MTA3: variants seen among roughly 807,000 people sequenced by gnomAD.
MTA3 encodes metastasis associated 1 family member 3.
In MTA3, 34 loss-of-function variants were observed where a neutral mutation model predicts 83.5. The observed-to-expected ratio is 0.41, with a 90% CI of 0.31 to 0.54. The LOEUF is 0.54. Ranked by LOEUF, MTA3 falls within the 20% of genes least tolerant of loss-of-function variation. The probability of loss-of-function intolerance (pLI) is 0.33; values close to 1 mark genes in which losing one functional copy is unlikely to be tolerated. For synonymous variants in MTA3, 303 were observed against 252.7 expected, an observed-to-expected ratio of 1.20 and a Z score of -1.89; for missense variants, 761 against 726.4, an observed-to-expected ratio of 1.05 and a Z score of -0.55.
At chr2:42,524,864 A>C (rs1207524987) in intron 2 of MTA3, among the ~76,000 whole-genome samples, 1 of 74,608 alleles carries the variant, frequency 1.3e-5, no homozygotes, top group African/African-American at 5.5e-5. Context: ...ACCTGCAGTA[A>C]GGCCACCTTC....
At position 42,756,413 on chromosome 2, in the gene MTA3, C is replaced by T; in HGVS notation, c.*3014C>T. The T allele has an allele frequency of 1.0e-6, 1 of 969,376 alleles. No individual in the cohort carries two copies. 60.0% of individuals were successfully genotyped at this position (969,376 alleles called of 1,614,324 possible). A position where few individuals can be genotyped will look rare whatever the true frequency, so the allele number is the denominator to read the frequency against. On this transcript the variant is annotated 3_prime_UTR_variant, in exon 17 of 17. Coordinates refer to ENST00000405094, the MANE Select transcript of MTA3 (RefSeq NM_001330442.2). The stretch of plus-strand genomic sequence containing the variant: ...GCCCTGGGAGCCTGGGACAGGCGAC[C>T]CACCGGGTCAGTCCCCTGCCACTCA...
At chr2:42,602,489 T>A (rs1052284252) in intron 3 of MTA3, among the ~76,000 whole-genome samples, 5 of 152,204 alleles carry the variant, frequency 3.3e-5, no homozygotes, top group Non-Finnish European at 5.9e-5. Flanking sequence ...CCACACAGAT[T>A]CCCAAAGTGG....
intron 16 of MTA3, among the ~76,000 whole-genome samples, chr2:42,740,141 G>T (rs916118050): frequency 6.6e-6 from 1 of 152,230 alleles, no homozygotes; most frequent in Admixed American, 6.5e-5. Context: ...ACTTTGCCCA[G>T]ATCCATCAGA....
intron 8 of MTA3, among the ~76,000 whole-genome samples, chr2:42,677,816 C>T (rs1200420886): frequency 6.6e-6 from 1 of 152,264 alleles, no homozygotes; most frequent in South Asian, 2.1e-4. Flanking sequence ...TTCCCAGTCT[C>T]AGGTTTGTCT....
intron 14 of MTA3, among the ~76,000 whole-genome samples, chr2:42,711,483 A>G (rs1009005306): frequency 1.2e-4 from 18 of 152,132 alleles, no homozygotes; most frequent in Non-Finnish European, 2.2e-4. Flanking sequence ...TTTGTTTTGT[A>G]TTTAGCTTCA....
intron 5 of MTA3, 51 bp from the exon 6 acceptor site, chr2:42,644,076 T>C (rs1033494626): frequency 3.6e-6 from 4 of 1,109,482 alleles, no homozygotes; most frequent in Non-Finnish European, 5.2e-6. Context: ...TAATGCTTTA[T>C]AAGAAGTAGA....
intron 8 of MTA3, among the ~76,000 whole-genome samples, chr2:42,663,406 A>G (rs1689920075): frequency 6.6e-6 from 1 of 152,214 alleles, no homozygotes; most frequent in African/African-American, 2.4e-5. Context: ...TTGTCAGTGA[A>G]GGTGATATTT....
chr2:42,712,003 C>T (rs1480821533), intron 14 of MTA3, among the ~76,000 whole-genome samples: 1 of 152,016 alleles, frequency 6.6e-6, no homozygotes, highest in Non-Finnish European at 1.5e-5. Context: ...TAGTTCTTCC[C>T]TGTGAGCTTG....
chr2:42,670,699 T>A (rs1690713224), intron 8 of MTA3, among the ~76,000 whole-genome samples: 1 of 151,676 alleles, frequency 6.6e-6, no homozygotes, highest in Non-Finnish European at 1.5e-5. Context: ...TGGGGCCTAG[T>A]GCGAGAGCTC....
chr2:42,715,866 A>G (rs1030973334), intron 14 of MTA3, among the ~76,000 whole-genome samples: 1 of 152,232 alleles, frequency 6.6e-6, no homozygotes, highest in Non-Finnish European at 1.5e-5. Flanking sequence ...GCCTTTGTCA[A>G]GACATTGAGG....
intron 14 of MTA3, among the ~76,000 whole-genome samples, chr2:42,717,481 A>G (rs1289321954): frequency 2.0e-5 from 3 of 152,234 alleles, no homozygotes; most frequent in East Asian, 3.8e-4. Flanking sequence ...TGTCTTGCAC[A>G]TCTACTCTTC....
intron 15 of MTA3, among the ~76,000 whole-genome samples, chr2:42,719,668 C>T (rs1667268157): frequency 6.6e-6 from 1 of 152,200 alleles, no homozygotes; most frequent in Admixed American, 6.5e-5. Context: ...GCCACTGCTT[C>T]AAGCCTTAAA....
At chr2:42,548,833 T>TA (rs1676898460) in intron 2 of MTA3, among the ~76,000 whole-genome samples, 1 of 11,510 alleles carries the variant, frequency 8.7e-5, no homozygotes, top group African/African-American at 2.5e-4. Flanking sequence ...ATATATAATA[T>TA]ATATATATAT....
intron 9 of MTA3, chr2:42,682,841 G>A (rs905741734): frequency 2.6e-6 from 1 of 385,850 alleles, no homozygotes; most frequent in African/African-American, 2.0e-5. Flanking sequence ...GGGAGGCCGA[G>A]GTGGGTGAAT....
At chr2:42,693,674 G>A (rs569308412) in intron 9 of MTA3, among the ~76,000 whole-genome samples, 4 of 152,218 alleles carry the variant, frequency 2.6e-5, no homozygotes, top group African/African-American at 9.6e-5. Flanking sequence ...CCCAAGGCAG[G>A]TCCAGAAATT....
At chr2:42,584,856 G>C (rs1680079127) in intron 3 of MTA3, among the ~76,000 whole-genome samples, 1 of 151,972 alleles carries the variant, frequency 6.6e-6, no homozygotes, top group Non-Finnish European at 1.5e-5. Flanking sequence ...ACTCCACCCT[G>C]GGTGACAAAG....
chr2:42,648,734 G>C (rs1212117798), intron 6 of MTA3, among the ~76,000 whole-genome samples: 2 of 152,052 alleles, frequency 1.3e-5, no homozygotes, highest in African/African-American at 2.4e-5. Flanking sequence ...TTCCATAAAA[G>C]AGAAGTTTTG....
intron 2 of MTA3, among the ~76,000 whole-genome samples, chr2:42,571,257 G>A (rs958254320): frequency 6.6e-6 from 1 of 151,760 alleles, no homozygotes; most frequent in African/African-American, 2.4e-5. Context: ...AAATTAGCTA[G>A]GCATGGTGGC....
chr2:42,749,043 A>G (rs1183453909), intron 16 of MTA3, among the ~76,000 whole-genome samples: 2 of 152,248 alleles, frequency 1.3e-5, no homozygotes, highest in African/African-American at 4.8e-5. Context: ...TCTTGAAGTC[A>G]CTGCTCGGCT....
Sources: gnomAD v4.1 joint callset for allele counts (sites outside exome capture counted in the v4.1 genomes callset) on GRCh38, gnomAD v4.1.1 for gene constraint, MANE v1.5 for transcripts, NCBI Gene and HGNC (gene_info 2026-07-23, HGNC 2026-07-21) for gene names.